The following WDR41 variants were observed in gnomAD, a reference collection of about 807,000 sequenced individuals.
The protein encoded by WDR41 is WD repeat-containing protein 41.
In WDR41, 63 loss-of-function variants were observed where a neutral mutation model predicts 69.3. The ratio of observed to expected loss-of-function variants is 0.91; its 90% CI spans 0.74 to 1.12. The LOEUF (loss-of-function observed/expected upper bound fraction) is 1.12, where lower values mean the gene tolerates loss of function less well. WDR41 is among the 50% of genes most tolerant of loss of function. WDR41 has a pLI of 0.00. For missense variants in WDR41, 543 were observed against 534.5 expected (o/e 1.02, Z -0.16); for synonymous variants, 185 against 192.1 (o/e 0.96, Z 0.31).
intron 1 of WDR41, among the ~76,000 whole-genome samples, chr5:77,539,952 T>C (rs947997066): frequency 3.3e-5 from 5 of 152,136 alleles, no homozygotes; most frequent in Admixed American, 1.3e-4. Context: ...CTCCCAGTGA[T>C]GGAAACAAGA....
intron 1 of WDR41, among the ~76,000 whole-genome samples, chr5:77,595,956 T>C (rs1177324784): frequency 2.0e-5 from 3 of 152,150 alleles, no homozygotes; most frequent in African/African-American, 2.4e-5. Context: ...TTTATGAAAT[T>C]TGGGAATCCA....
At chr5:77,571,896 T>A in intron 1 of WDR41, among the ~76,000 whole-genome samples, 1 of 152,272 alleles carries the variant, frequency 6.6e-6, no homozygotes, top group African/African-American at 2.4e-5. Flanking sequence ...AGGGGGAAAG[T>A]GTTTTTCCAA....
chr5:77,512,331 T>TGAGAGA (rs764631325), intron 1 of WDR41, among the ~76,000 whole-genome samples: 886 of 87,640 alleles, frequency 0.01, 28 homozygotes, highest in East Asian at 0.043. Context: ...ATGGGGTGAG[T>TGAGAGA]GAGAGAGAGA....
chr5:77,592,786 T>G (rs949486590), intron 1 of WDR41, among the ~76,000 whole-genome samples: 2 of 152,196 alleles, frequency 1.3e-5, no homozygotes, highest in Non-Finnish European at 2.9e-5. Flanking sequence ...CACCTGAGCC[T>G]TGTTGTCCAG....
chr5:77,536,404 TA>T (rs149157036), intron 1 of WDR41, among the ~76,000 whole-genome samples: 15 of 150,178 alleles, frequency 1.0e-4, no homozygotes, highest in African/African-American at 1.5e-4. Flanking sequence ...AGCAAAGTGT[TA>T]AAAAAAAAGT....
intron 1 of WDR41, among the ~76,000 whole-genome samples, chr5:77,611,889 T>G (rs376602487): frequency 6.6e-6 from 1 of 151,940 alleles, no homozygotes; most frequent in South Asian, 2.1e-4. Flanking sequence ...ATTGATAGAC[T>G]GCTAGCAAGA....
upstream of WDR41, among the ~76,000 whole-genome samples, chr5:77,493,730 T>C (rs1801892772): frequency 6.6e-6 from 1 of 152,120 alleles, no homozygotes; most frequent in African/African-American, 2.4e-5. Flanking sequence ...CTCAGAGACA[T>C]CAGGAGTTCA....
intron 2 of WDR41, among the ~76,000 whole-genome samples, chr5:77,475,520 C>T (rs1487815276): frequency 2.0e-5 from 3 of 152,160 alleles, no homozygotes; most frequent in African/African-American, 7.2e-5. Context: ...ACCCCTGACC[C>T]CCGAGCAGCC....
chr5:77,517,605 A>G (rs1218317157), intron 1 of WDR41, among the ~76,000 whole-genome samples: 1 of 145,320 alleles, frequency 6.9e-6, no homozygotes, highest in East Asian at 2.0e-4. Flanking sequence ...ATTCTAACAT[A>G]TTGACATTTA....
At chr5:77,471,006 TA>T in intron 2 of WDR41, among the ~76,000 whole-genome samples, 1 of 152,094 alleles carries the variant, frequency 6.6e-6, no homozygotes, top group Non-Finnish European at 1.5e-5. Flanking sequence ...CTTATTTCAA[TA>T]TTGACCACAT....
chr5:77,439,017 C>T (rs1462077365), intron 9 of WDR41, among the ~76,000 whole-genome samples: 1 of 152,124 alleles, frequency 6.6e-6, no homozygotes, highest in African/African-American at 2.4e-5. Flanking sequence ...TGCCATTTTC[C>T]AGATAAGGAA....
At chr5:77,448,480 T>C (rs1799475335) in intron 8 of WDR41, among the ~76,000 whole-genome samples, 1 of 152,166 alleles carries the variant, frequency 6.6e-6, no homozygotes, top group South Asian at 2.1e-4. Context: ...CTGGTGTATC[T>C]GAACATGTGA....
At chr5:77,439,144 A>C (rs1046350939) in intron 9 of WDR41, among the ~76,000 whole-genome samples, 2 of 152,200 alleles carry the variant, frequency 1.3e-5, no homozygotes, top group African/African-American at 4.8e-5. Flanking sequence ...ATGCAGTAGT[A>C]GCCTTTGAAA....
intron 2 of WDR41, among the ~76,000 whole-genome samples, chr5:77,465,761 A>G (rs182493317): frequency 1.3e-5 from 2 of 151,928 alleles, no homozygotes; most frequent in East Asian, 3.9e-4. Context: ...AGTGGTGTTA[A>G]AGAGAGCCAG....
intron 1 of WDR41, among the ~76,000 whole-genome samples, chr5:77,503,134 A>G (rs917070213): frequency 2.7e-5 from 4 of 150,916 alleles, no homozygotes; most frequent in Non-Finnish European, 5.9e-5. Context: ...ACCTGCAGAG[A>G]CACACATAGG....
intron 6 of WDR41, chr5:77,451,995 A>C (rs335610): frequency 1.3e-5 from 2 of 151,174 alleles, no homozygotes; most frequent in Middle Eastern, 3.4e-3. Context: ...AGAGTTGATA[A>C]ATTAGAACCA....
chr5:77,432,665 T>C lies in WDR41; in HGVS notation c.*470A>G, dbSNP rs968387992. On this transcript the variant is annotated 3_prime_UTR_variant, in exon 13 of 13. Coordinates refer to ENST00000296679, the MANE Select transcript of WDR41 (RefSeq NM_018268.4). ...AAACTTGCCATACTTAAACAGTATA[T>C]ATGTTCCCTTTTTTGGCTGAGAGAT... The C allele has an allele frequency of 6.6e-6, 1 of 152,624 alleles. No individual in the cohort carries two copies. 9.5% of individuals were successfully genotyped at this position (152,624 alleles called of 1,614,324 possible). A position where few individuals can be genotyped will look rare whatever the true frequency, so the allele number is the denominator to read the frequency against.
chr5:77,536,433 G>T (rs533043245), intron 1 of WDR41, among the ~76,000 whole-genome samples: 1 of 152,000 alleles, frequency 6.6e-6, no homozygotes, highest in Non-Finnish European at 1.5e-5. Flanking sequence ...ATTATCTGGG[G>T]AGAGCAGAGA....
intron 3 of WDR41, among the ~76,000 whole-genome samples, chr5:77,464,267 G>GA (rs1266622089): frequency 1.6e-5 from 2 of 126,276 alleles, no homozygotes; most frequent in African/African-American, 3.0e-5. Flanking sequence ...TGTTTCTTAG[G>GA]AAAAAACTTT....
Sources: allele counts gnomAD v4.1 joint callset (sites outside exome capture counted in the v4.1 genomes callset), GRCh38; gene constraint gnomAD v4.1.1; transcripts MANE v1.5; gene names NCBI Gene and HGNC (gene_info 2026-07-23, HGNC 2026-07-21).